EMD: variants seen among roughly 807,000 people sequenced by gnomAD.
EMD encodes the protein LEM domain containing 5.
Under a neutral mutation model 15.2 loss-of-function variants are expected in EMD, and 2 were observed. The ratio of observed to expected loss-of-function variants is 0.13; its 90% CI spans 0.05 to 0.41. EMD has a LOEUF of 0.41. Among genes scored for constraint, EMD ranks in the 10% least tolerant of loss-of-function variants. EMD has a pLI of 0.99. For synonymous variants in EMD, 122 were observed against 86.2 expected (o/e 1.42, Z -2.30); for missense variants, 224 against 213.4 (o/e 1.05, Z -0.31).
intron 2 of EMD, 42 bp downstream of exon 2, chrX:154,379,836 G>T (rs782326824): frequency 1.7e-6 from 2 of 1,184,671 alleles, no homozygotes; most frequent in Non-Finnish European, 2.3e-6. Context: ...ACGCGGGGAG[G>T]ATGGGGTCGC....
chrX:154,380,221 C>T lies in EMD; in HGVS notation c.266-13C>T, dbSNP rs372638635. 3.5e-5 allele frequency: 42 copies of T among 1,209,698 alleles called. No homozygotes were observed. The highest frequency in any genetic ancestry group is 5.3e-5 in the South Asian group (3 of 56,887). On this transcript the variant is annotated splice_polypyrimidine_tract_variant and intron_variant, in intron 3 of 5. Coordinates refer to ENST00000369842, the MANE Select transcript of EMD (RefSeq NM_000117.3). ...CCGATGCCCCCTCTGCTACCGCTGCCCCCCTTCCCAAGGCTACAATGACGA... is the reference window on the plus strand; with the variant it reads ...CCGATGCCCCCTCTGCTACCGCTGCTCCCCTTCCCAAGGCTACAATGACGA...
intron 2 of EMD, 60 bp from the exon 3 acceptor site, chrX:154,379,882 T>G: frequency 8.4e-7 from 1 of 1,184,560 alleles, no homozygotes; most frequent in Non-Finnish European, 1.1e-6. Context: ...AGAGCGGCAC[T>G]GGAGAAAGGG....
Position 154,379,857 on chromosome X carries a change from CA to C in EMD, c.187+64del, listed in dbSNP as rs782014254. On this transcript the variant is annotated intron_variant, in intron 2 of 5. Coordinates refer to ENST00000369842, the MANE Select transcript of EMD (RefSeq NM_000117.3). ...GGAGGATGGGGTCGCGAGGGTGTGGCAGGGGGGCCGGTCGAGAGCGGCACTG... is the reference window on the plus strand; with the variant it reads ...GGAGGATGGGGTCGCGAGGGTGTGGCGGGGGGCCGGTCGAGAGCGGCACTG... The C allele has an allele frequency of 9.4e-6, 11 of 1,172,305 alleles. No individual in the cohort carries two copies. The East Asian group carries it at 2.1e-4, about 22-fold the overall frequency.
chrX:154,380,360 A>G lies in EMD; in HGVS notation c.392A>G (p.His131Arg). 1 of 1,211,294 alleles carries G rather than the reference A, an allele frequency of 8.3e-7. No homozygotes were observed. Among genetic ancestry groups the G allele is most frequent in the Non-Finnish European group, 1.1e-6 (1 of 895,542 alleles). ...TCATTCCCAGATGCTGACGCTTTCCATCACCAGGTGAGCTGGCTGGCAGGC... is the reference window on the plus strand; with the variant it reads ...TCATTCCCAGATGCTGACGCTTTCCGTCACCAGGTGAGCTGGCTGGCAGGC... ...VTSFPDADAF[H>R]HQVHDDDLLS... Residue 131 changes from histidine to arginine, a missense_variant, in exon 4 of 6, where the codon CAT becomes CGT. Transcript: ENST00000369842.
In EMD at chrX:154,380,984, TTCC is replaced by T. The variant is rs781996553; in HGVS notation, c.559_561del (p.Ser187del). 1 of 1,211,478 alleles carries T rather than the reference TTCC, an allele frequency of 8.3e-7. No homozygotes were observed. The highest frequency in any genetic ancestry group is 1.1e-6 in the Non-Finnish European group (1 of 895,446). ...CCCTGGACCTGTCCTATTATCCTAC[TTCC>T]TCCTCCACCTCTTTTATGTCCTCCT... On this transcript the variant is annotated inframe_deletion, in exon 6 of 6. Coordinates refer to ENST00000369842, the MANE Select transcript of EMD (RefSeq NM_000117.3).
chrX:154,381,168 A>T lies in EMD; in HGVS notation c.736A>T (p.Met246Leu). The part of the protein sequence containing the change: ...VIVLFFIYHF[M>L]QAEEGNPF ...CGTCCTCTTCTTCATTTACCACTTC[A>T]TGCAGGCTGAAGAAGGCAACCCCTT... Residue 246 changes from methionine to leucine, a missense_variant, in exon 6 of 6, where the codon ATG becomes TTG. By Grantham distance (15) the Met-to-Leu change is conservative (BLOSUM62 2). Transcript: ENST00000369842. 1 of 1,206,974 alleles carries T rather than the reference A, an allele frequency of 8.3e-7. No homozygotes were observed. Among genetic ancestry groups the T allele is most frequent in the Non-Finnish European group, 1.1e-6 (1 of 893,830 alleles).
chrX:154,381,260 T>C lies in EMD; in HGVS notation c.*63T>C. ...TTGGGGAAGTCCTGGCTGACTGCCT[T>C]AGCAGTGGGGGTGGGGGTGGGGGCA... On this transcript the variant is annotated 3_prime_UTR_variant, in exon 6 of 6. Transcript: ENST00000369842. The C allele has an allele frequency of 1.8e-6, 1 of 547,898 alleles. No homozygotes were observed. The highest frequency in any genetic ancestry group is 2.4e-6 in the Non-Finnish European group (1 of 409,226). The allele number at this position is 547,898 out of a possible 1,213,427, so 45.2% of individuals were successfully genotyped here.
Position 154,379,693 on chromosome X carries a change from C to T in EMD, c.86C>T (p.Ser29Leu), listed in dbSNP as rs1414486158. The T allele has an allele frequency of 8.3e-7, 1 of 1,208,428 alleles. No homozygotes were observed. Among genetic ancestry groups the T allele is most frequent in the Non-Finnish European group, 1.1e-6 (1 of 894,448 alleles). The part of the protein sequence containing the change: ...YNIPHGPVVG[S>L]TRRLYEKKIF... ...TGACCGCCCCGTGTCCGGCCAGGAT[C>T]AACTCGTAGGCTTTACGAGAAGAAG... Residue 29 changes from serine (S) to leucine (L), a missense_variant, in exon 2 of 6, where the codon TCA becomes TTA. Physicochemically the swap from Ser to Leu is moderately radical, Grantham distance 145. Coordinates refer to ENST00000369842, the MANE Select transcript of EMD (RefSeq NM_000117.3).
In EMD at chrX:154,380,228, C is replaced by T; in HGVS notation, c.266-6C>T. On this transcript the variant is annotated splice_polypyrimidine_tract_variant and splice_region_variant and intron_variant, in intron 3 of 5. Transcript: ENST00000369842. ...CCCCTCTGCTACCGCTGCCCCCCTTCCCAAGGCTACAATGACGACTACTAT... is the reference window on the plus strand; with the variant it reads ...CCCCTCTGCTACCGCTGCCCCCCTTTCCAAGGCTACAATGACGACTACTAT... 8.3e-7 allele frequency: 1 copy of T among 1,209,096 alleles called. No homozygotes were observed. Among genetic ancestry groups the T allele is most frequent in the Non-Finnish European group, 1.1e-6 (1 of 895,421 alleles).
rs781959238 is a variant in EMD, at chrX:154,379,719, ATCT to A, written c.115_117del (p.Phe39del). On this transcript the variant is annotated inframe_deletion, in exon 2 of 6. Coordinates refer to ENST00000369842, the MANE Select transcript of EMD (RefSeq NM_000117.3). The stretch of plus-strand genomic sequence containing the variant: ...AACTCGTAGGCTTTACGAGAAGAAG[ATCT>A]TCGAGTACGAGACCCAGAGGCGGCG... 25 of 1,207,766 alleles carry A rather than the reference ATCT, an allele frequency of 2.1e-5. No homozygotes were observed. The highest frequency in any genetic ancestry group is 2.7e-5 in the Non-Finnish European group (24 of 894,511).
At position 154,381,256 on chromosome X, in the gene EMD, G is replaced by A; in HGVS notation, c.*59G>A. Reference sequence around the variant, plus strand: ...GTCTTTGGGGAAGTCCTGGCTGACTGCCTTAGCAGTGGGGGTGGGGGTGGG... The same window carrying A: ...GTCTTTGGGGAAGTCCTGGCTGACTACCTTAGCAGTGGGGGTGGGGGTGGG... On this transcript the variant is annotated 3_prime_UTR_variant, in exon 6 of 6. Coordinates refer to ENST00000369842, the MANE Select transcript of EMD (RefSeq NM_000117.3). The A allele has an allele frequency of 1.3e-6, 1 of 762,995 alleles. No individual in the cohort carries two copies. Among genetic ancestry groups the A allele is most frequent in the Non-Finnish European group, 1.8e-6 (1 of 552,878 alleles). 62.9% of individuals were successfully genotyped at this position (762,995 alleles called of 1,213,427 possible).
chrX:154,380,527 C>G, intron 4 of EMD, 160 bp downstream of exon 4: 1 of 955,359 alleles, frequency 1.0e-6, no homozygotes, highest in Non-Finnish European at 1.5e-6. Context: ...TAGGCTCAGA[C>G]TCTTCCTGAG....
At position 154,379,988 on chromosome X, in the gene EMD, G is replaced by A. The variant is rs781889152; in HGVS notation, c.234G>A (p.Lys78=). The change falls in exon 3 of 6, where the codon AAG becomes AAA. Residue 78 remains lysine, a synonymous_variant. Transcript: ENST00000369842. ...ATGCAGATATGTATGATCTTCCCAA[G>A]AAAGAGGACGCTTTACTCTACCAGA... ...RGDADMYDLP[K]KEDALLYQSK... 13 of 1,210,135 alleles carry A rather than the reference G, an allele frequency of 1.1e-5. No homozygotes were observed. Among genetic ancestry groups the A allele is most frequent in the Non-Finnish European group, 1.5e-5 (13 of 895,102 alleles).
rs2067880310 is a variant in EMD at position 154,380,360 on chromosome X, A to C, written c.392A>C (p.His131Pro). Residue 131 changes from histidine to proline, a missense_variant, in exon 4 of 6, where the codon CAT becomes CCT. Physicochemically the swap from His to Pro is moderately conservative, Grantham distance 77. Transcript: ENST00000369842. Reference sequence around the variant, plus strand: ...TCATTCCCAGATGCTGACGCTTTCCATCACCAGGTGAGCTGGCTGGCAGGC... The same window carrying C: ...TCATTCCCAGATGCTGACGCTTTCCCTCACCAGGTGAGCTGGCTGGCAGGC... Reference protein sequence around the residue: ...VTSFPDADAFHHQVHDDDLLS... With the variant: ...VTSFPDADAFPHQVHDDDLLS... 3 of 1,211,294 alleles carry C rather than the reference A, an allele frequency of 2.5e-6. No homozygotes were observed. Among genetic ancestry groups the C allele is most frequent in the Middle Eastern group, 4.6e-4 (2 of 4,355 alleles).
chrX:154,380,486 C>T, intron 4 of EMD, 119 bp downstream of exon 4: 2 of 1,089,112 alleles, frequency 1.8e-6, no homozygotes, highest in East Asian at 6.2e-5. Flanking sequence ...CGGGGAGACT[C>T]TGTGTGACTA....
Position 154,380,919 on chromosome X carries a change from A to T in EMD, c.487A>T (p.Ser163Cys), listed in dbSNP as rs1557182614. The T allele has an allele frequency of 8.3e-7, 1 of 1,211,440 alleles. No individual in the cohort carries two copies. The highest frequency in any genetic ancestry group is 2.2e-5 in the Admixed American group (1 of 46,077). Reference sequence around the variant, plus strand: ...GTACGGCCGGGACAGTGCCTACCAGAGCATCACGCACTACCGCCCTGTTTC... The same window carrying T: ...GTACGGCCGGGACAGTGCCTACCAGTGCATCACGCACTACCGCCCTGTTTC... ...PMYGRDSAYQ[S>C]ITHYRPVSAS... The change falls in exon 6 of 6, where the codon AGC becomes TGC. Residue 163 changes from serine to cysteine, a missense_variant. Transcript: ENST00000369842.
At position 154,379,490 on chromosome X, in the gene EMD, C is replaced by T; in HGVS notation, c.6C>T (p.Asp2=). The T allele has an allele frequency of 8.6e-7, 1 of 1,168,015 alleles. No individual in the cohort carries two copies. Among genetic ancestry groups the T allele is most frequent in the Non-Finnish European group, 1.1e-6 (1 of 873,078 alleles). ...CGCCTGAGCCCGCACCCGCCATGGA[C>T]AACTACGCAGATCTTTCGGATACCG... M[D]NYADLSDTEL... Residue 2 remains aspartate, a synonymous_variant, in exon 1 of 6, where the codon GAC becomes GAT. Transcript: ENST00000369842.
intron 3 of EMD, 93 bp downstream of exon 3, chrX:154,380,112 C>T (rs1039914884): frequency 1.7e-6 from 2 of 1,194,586 alleles, no homozygotes; most frequent in Non-Finnish European, 2.3e-6. Context: ...CAGTCCCAAC[C>T]ACTCCAGCAG....
chrX:154,379,867 G>T, intron 2 of EMD, 73 bp downstream of exon 2: 1 of 1,173,197 alleles, frequency 8.5e-7, no homozygotes, highest in Non-Finnish European at 1.2e-6. Context: ...CAGGGGGGCC[G>T]GTCGAGAGCG....
Sources: gnomAD v4.1 joint callset for allele counts on GRCh38, gnomAD v4.1.1 for gene constraint, MANE v1.5 for transcripts, NCBI Gene and HGNC (gene_info 2026-07-23, HGNC 2026-07-21) for gene names.